ATF7IP: variants seen among roughly 807,000 people sequenced by gnomAD.
The protein encoded by ATF7IP is activating transcription factor 7 interacting protein.
Under a neutral mutation model 106.4 loss-of-function variants are expected in ATF7IP, and 23 were observed. The ratio of observed to expected loss-of-function variants is 0.22; its 90% CI spans 0.16 to 0.31. The LOEUF (loss-of-function observed/expected upper bound fraction) is 0.31, where lower values mean the gene tolerates loss of function less well. ATF7IP is among the 10% of genes least tolerant of loss of function. The probability of loss-of-function intolerance (pLI) is 1.00; values close to 1 mark genes in which losing one functional copy is unlikely to be tolerated. For missense variants in ATF7IP, 1,334 were observed against 1,524.3 expected (o/e 0.88, Z 2.08); for synonymous variants, 542 against 539.0 (o/e 1.01, Z -0.08).
intron 1 of ATF7IP, among the ~76,000 whole-genome samples, chr12:14,418,143 A>T (rs141052548): frequency 1.1e-3 from 169 of 152,316 alleles, no homozygotes; most frequent in African/African-American, 3.8e-3. Context: ...ATTTGAAAAA[A>T]AAATTTCCAA....
At chr12:14,464,609 AT>A (rs1444430992) in intron 9 of ATF7IP, among the ~76,000 whole-genome samples, 1 of 152,186 alleles carries the variant, frequency 6.6e-6, no homozygotes, top group Non-Finnish European at 1.5e-5. Flanking sequence ...AGATGGAGTT[AT>A]AATATTTATA....
chr12:14,399,229 G>C (rs541141376), intron 1 of ATF7IP, among the ~76,000 whole-genome samples: 2 of 152,126 alleles, frequency 1.3e-5, no homozygotes, highest in East Asian at 3.9e-4. Flanking sequence ...TGCATTCTCT[G>C]TCTTTGCTCA....
chr12:14,453,285 C>T (rs1344558297), intron 6 of ATF7IP, among the ~76,000 whole-genome samples: 1 of 152,130 alleles, frequency 6.6e-6, no homozygotes. Context: ...ATTTATCTTT[C>T]TCTCTGTCTT....
intron 1 of ATF7IP, among the ~76,000 whole-genome samples, chr12:14,398,061 T>C: frequency 6.6e-6 from 1 of 152,162 alleles, no homozygotes; most frequent in Non-Finnish European, 1.5e-5. Context: ...ATTTCTCATG[T>C]TGTTCGTTAT....
chr12:14,384,886 A>AG (rs1939149278), intron 1 of ATF7IP, among the ~76,000 whole-genome samples: 1 of 149,202 alleles, frequency 6.7e-6, no homozygotes, highest in Admixed American at 6.7e-5. Context: ...AAAAAAAAAA[A>AG]GGCCTTGAGC....
chr12:14,387,492 G>A (rs937359937), intron 1 of ATF7IP, among the ~76,000 whole-genome samples: 2 of 152,124 alleles, frequency 1.3e-5, no homozygotes, highest in African/African-American at 4.8e-5. Flanking sequence ...TGCTGGTCTT[G>A]AGTGGGATCT....
intron 1 of ATF7IP, among the ~76,000 whole-genome samples, chr12:14,402,322 C>T (rs1940283667): frequency 6.6e-6 from 1 of 151,606 alleles, no homozygotes; most frequent in Admixed American, 6.6e-5. Flanking sequence ...GAGATGGGGT[C>T]TCGCTGTGTT....
chr12:14,431,144 A>G (rs1043635751), intron 2 of ATF7IP, among the ~76,000 whole-genome samples: 17 of 152,222 alleles, frequency 1.1e-4, no homozygotes, highest in African/African-American at 3.9e-4. Flanking sequence ...ACCTTATTAA[A>G]GATAGTAGTC....
chr12:14,490,312 C>T (rs1944770001), intron 13 of ATF7IP, among the ~76,000 whole-genome samples: 1 of 152,166 alleles, frequency 6.6e-6, no homozygotes, highest in South Asian at 2.1e-4. Flanking sequence ...GATACAAATG[C>T]CTTCACAGTT....
intron 1 of ATF7IP, among the ~76,000 whole-genome samples, chr12:14,413,975 A>G (rs1941064258): frequency 1.3e-5 from 2 of 152,224 alleles, no homozygotes; most frequent in African/African-American, 2.4e-5. Flanking sequence ...AACTTGAGCT[A>G]GAATGGAACT....
chr12:14,414,704 A>G (rs1941113287), intron 1 of ATF7IP, among the ~76,000 whole-genome samples: 2 of 152,316 alleles, frequency 1.3e-5, no homozygotes, highest in Non-Finnish European at 2.9e-5. Flanking sequence ...GTTATTAGCC[A>G]GTGAAATTTT....
In ATF7IP at chr12:14,434,418, A is replaced by G; in HGVS notation, c.1640A>G (p.Glu547Gly). Residue 547 changes from glutamate to glycine, a missense_variant, in exon 3 of 15, where the codon GAG becomes GGG. Physicochemically the swap from Glu to Gly is moderately conservative, Grantham distance 98. Transcript: ENST00000261168. ...CATGAAGATGATGAAAGACCTTCTG[A>G]GAAAAGTATGCATGTATAAACAAAC... ...VIHEDDERPSEKNEFSRRKRS... is the reference protein window; with the variant it reads ...VIHEDDERPSGKNEFSRRKRS... 1 of 1,551,978 alleles carries G rather than the reference A, an allele frequency of 6.4e-7. No individual in the cohort carries two copies. Among genetic ancestry groups the G allele is most frequent in the Non-Finnish European group, 8.9e-7 (1 of 1,126,798 alleles).
chr12:14,479,636 G>T lies in ATF7IP; in HGVS notation c.3097+1164G>T, dbSNP rs186808463. Among the ~76,000 whole-genome samples the T allele has an allele frequency of 1.3e-3, 202 of 152,212 alleles. 1 individual carries two copies. Among genetic ancestry groups the T allele is most frequent in the African/African-American group, 4.7e-3 (197 of 41,562 alleles). ...TTTGAGTTATGAAATTATTGTTGAT[G>T]CAGCAAATGTGTGGTTGTTTTGGTA... On this transcript the variant is annotated intron_variant, in intron 12 of 14. Coordinates refer to ENST00000261168, the MANE Select transcript of ATF7IP (RefSeq NM_018179.5).
chr12:14,423,771 C>G, intron 1 of ATF7IP, 138 bp from the exon 2 acceptor site: 1 of 912,370 alleles, frequency 1.1e-6, no homozygotes. Flanking sequence ...TAGTATACAA[C>G]AAGCAGTAGG....
intron 10 of ATF7IP, among the ~76,000 whole-genome samples, chr12:14,468,126 G>T (rs545693441): frequency 6.6e-6 from 1 of 151,850 alleles, no homozygotes; most frequent in South Asian, 2.1e-4. Context: ...AATTTGCCTG[G>T]TGTGGTGACG....
chr12:14,440,024 C>T (rs907403622), intron 5 of ATF7IP, among the ~76,000 whole-genome samples: 3 of 152,146 alleles, frequency 2.0e-5, no homozygotes, highest in African/African-American at 4.8e-5. Flanking sequence ...ATCTTCTCTG[C>T]AAATGTTCCT....
intron 10 of ATF7IP, among the ~76,000 whole-genome samples, chr12:14,474,280 T>G (rs1219707842): frequency 7.2e-5 from 11 of 151,876 alleles, no homozygotes; most frequent in Non-Finnish European, 1.5e-5. Context: ...TATGCCTACA[T>G]TAAGCTAATT....
intron 1 of ATF7IP, among the ~76,000 whole-genome samples, chr12:14,423,290 A>C (rs1218877123): frequency 6.6e-6 from 1 of 152,060 alleles, no homozygotes; most frequent in Non-Finnish European, 1.5e-5. Context: ...TTCTATATAA[A>C]TATATATTCT....
chr12:14,378,801 C>T (rs749964883), intron 1 of ATF7IP, among the ~76,000 whole-genome samples: 14 of 152,164 alleles, frequency 9.2e-5, no homozygotes, highest in Non-Finnish European at 1.6e-4. Flanking sequence ...TGCCTGCATC[C>T]ATGAGTCTCT....
Sources: allele counts gnomAD v4.1 joint callset (sites outside exome capture counted in the v4.1 genomes callset), GRCh38; gene constraint gnomAD v4.1.1; transcripts MANE v1.5; gene names NCBI Gene and HGNC (gene_info 2026-07-23, HGNC 2026-07-21).